Variants in IQCE observed in about 807,000 individuals in gnomAD.
The protein encoded by IQCE is IQ motif containing E, also known as IQ domain-containing protein E.
Under a neutral mutation model 96.0 loss-of-function variants are expected in IQCE, and 115 were observed. The ratio of observed to expected loss-of-function variants is 1.20; its 90% confidence interval spans 1.03 to 1.40. The LOEUF (loss-of-function observed/expected upper bound fraction) is 1.40. IQCE is among the 40% of genes most tolerant of loss of function. IQCE has a pLI of 0.00. For synonymous variants in IQCE, 412 were observed against 371.2 expected, an observed-to-expected ratio of 1.11 and a Z score of -1.26; for missense variants, 1,041 against 909.1, an observed-to-expected ratio of 1.15 and a Z score of -1.87.
intron 3 of IQCE, among the ~76,000 whole-genome samples, chr7:2,569,260 A>G (rs932984863): frequency 6.8e-6 from 1 of 146,402 alleles, no homozygotes; most frequent in Admixed American, 6.8e-5. Flanking sequence ...GCTGCCACCA[A>G]CTCCCCAGTC....
intron 15 of IQCE, 64 bp downstream of exon 15, chr7:2,593,190 GC>G (rs1012137680): frequency 2.6e-6 from 4 of 1,522,390 alleles, no homozygotes; most frequent in African/African-American, 1.4e-5. Context: ...TACCACTGCG[GC>G]CCCCCGTGGC....
intron 1 of IQCE, among the ~76,000 whole-genome samples, chr7:2,560,119 C>T (rs1363463886): frequency 6.6e-6 from 1 of 152,114 alleles, no homozygotes; most frequent in East Asian, 1.9e-4. Flanking sequence ...GTGATCATGG[C>T]CCTCCAAGGC....
intron 2 of IQCE, 99 bp downstream of exon 2, chr7:2,567,262 T>C (rs1781450243): frequency 1.1e-6 from 1 of 926,708 alleles, no homozygotes; most frequent in Non-Finnish European, 1.7e-6. Context: ...TCCACAATAC[T>C]GTGTCGAGAG....
intron 3 of IQCE, among the ~76,000 whole-genome samples, chr7:2,570,337 G>A (rs997856866): frequency 7.9e-5 from 12 of 151,772 alleles, no homozygotes; most frequent in Admixed American, 2.0e-4. Context: ...CTTCCTACTC[G>A]CCGATAAGCC....
rs780804449 is a variant in IQCE at position 2,571,506 on chromosome 7, C to T, written c.131-20C>T. On this transcript the variant is annotated intron_variant, in intron 3 of 21. Transcript: ENST00000402050. ...ATGTTGCTGTCCGGCACCTCTGAATCCACGTGTTGGCTTTTCCAGAGTCAC... is the reference window on the plus strand; with the variant it reads ...ATGTTGCTGTCCGGCACCTCTGAATTCACGTGTTGGCTTTTCCAGAGTCAC... The T allele has an allele frequency of 1.2e-6, 2 of 1,605,228 alleles. No individual in the cohort carries two copies. Among genetic ancestry groups the T allele is most frequent in the Non-Finnish European group, 8.5e-7 (1 of 1,179,906 alleles).
At chr7:2,608,400 A>G (rs1257680900) in intron 21 of IQCE, among the ~76,000 whole-genome samples, 1 of 152,238 alleles carries the variant, frequency 6.6e-6, no homozygotes, top group African/African-American at 2.4e-5. Context: ...AGAACCGTAT[A>G]CCACGTTTGA....
At chr7:2,607,321 C>G (rs770876818) in intron 21 of IQCE, 94 bp downstream of exon 21, 2 of 1,551,388 alleles carry the variant, frequency 1.3e-6, no homozygotes, top group Admixed American at 2.0e-5. Flanking sequence ...CGGGCTGTGT[C>G]GGGACGGAAG....
rs143397539 is a variant in IQCE, at chr7:2,563,375, TTGTGTGTGTGTGTG to T, written c.37-3717_37-3704del. Among the ~76,000 whole-genome samples, 14 of 135,806 alleles carry T rather than the reference TTGTGTGTGTGTGTG, an allele frequency of 1.0e-4. No individual in the cohort carries two copies. The East Asian group carries it at 2.0e-3, about 19-fold the overall frequency. The allele number at this position is 135,806 out of a possible 152,430, so 89.1% of individuals were successfully genotyped here. A position where few individuals can be genotyped will look rare whatever the true frequency, so the allele number is the denominator to read the frequency against. ...TGATGCCCAGCTAATTAATTTTTTGTTGTGTGTGTGTGTGTGTGTGTGTGTGTGTGTGTGTGTAC... is the reference window on the plus strand; with the variant it reads ...TGATGCCCAGCTAATTAATTTTTTGTTGTGTGTGTGTGTGTGTGTGTGTAC... On this transcript the variant is annotated intron_variant, in intron 1 of 21. Coordinates refer to ENST00000402050, the MANE Select transcript of IQCE (RefSeq NM_152558.5).
chr7:2,594,184 C>T lies in IQCE; in HGVS notation c.1350-702C>T, dbSNP rs545380689. Among the ~76,000 whole-genome samples the T allele has an allele frequency of 1.6e-3, 242 of 152,266 alleles. 1 individual carries two copies. Among genetic ancestry groups the T allele is most frequent in the Non-Finnish European group, 2.0e-3 (133 of 68,020 alleles). On this transcript the variant is annotated intron_variant, in intron 15 of 21. Transcript: ENST00000402050. ...CTGAGGCAGGAGAATAGCTTGAACC[C>T]GGGCAGCAGAGGTTGCAGTGAGCAG...
chr7:2,560,577 T>C (rs1280534768), intron 1 of IQCE, among the ~76,000 whole-genome samples: 4 of 152,258 alleles, frequency 2.6e-5, no homozygotes, highest in Non-Finnish European at 5.9e-5. Context: ...CTTCAGTTAC[T>C]GCTTCTTCAT....
chr7:2,598,690 A>C (rs1288799649), intron 17 of IQCE, 58 bp downstream of exon 17: 1 of 1,401,968 alleles, frequency 7.1e-7, no homozygotes, highest in Non-Finnish European at 9.4e-7. Context: ...CTCCAAGGCA[A>C]GCCACTCACT....
intron 20 of IQCE, 39 bp from the exon 21 acceptor site, chr7:2,607,085 T>C (rs748659743): frequency 4.5e-6 from 7 of 1,554,414 alleles, no homozygotes; most frequent in African/African-American, 4.1e-5. Flanking sequence ...TTGTACTCTC[T>C]AAAAGCAGAA....
In IQCE at chr7:2,589,981, A is replaced by G. The variant is rs1486256450; in HGVS notation, c.1119A>G (p.Ala373=). The change falls in exon 14 of 22, where the codon GCA becomes GCG. Residue 373 remains alanine (A), a synonymous_variant. Coordinates refer to ENST00000402050, the MANE Select transcript of IQCE (RefSeq NM_152558.5). ...GATCACACCCGCCAGCCTGCCTTGC[A>G]TCCAGCTCTGCGCTGCACAGACAGC... is the stretch of plus-strand genomic sequence containing the variant. ...PVRSHPPACL[A]SSSALHRQPR... The G allele has an allele frequency of 2.5e-6, 4 of 1,613,854 alleles. No individual in the cohort carries two copies. Among genetic ancestry groups the G allele is most frequent in the Non-Finnish European group, 3.4e-6 (4 of 1,180,018 alleles).
At chr7:2,567,229 C>A (rs140074461) in intron 2 of IQCE, 66 bp downstream of exon 2, 13 of 1,276,940 alleles carry the variant, frequency 1.0e-5, no homozygotes, top group Admixed American at 1.7e-5. Context: ...AGACTGCACT[C>A]GGAAGCGTAA....
At chr7:2,575,236 G>A (rs1782030869) in intron 6 of IQCE, among the ~76,000 whole-genome samples, 1 of 152,202 alleles carries the variant, frequency 6.6e-6, no homozygotes, top group Admixed American at 6.5e-5. Context: ...TGCCCTGTAG[G>A]TCAAGGGGGT....
rs78064552 is a variant in IQCE, at chr7:2,582,149, C to A, written c.631-431C>A. ...GTGGCTCCTCAGGCCCCTACGGCCG[C>A]GCTGTCTCCCACCCTCACTCACTGC... On this transcript the variant is annotated intron_variant, in intron 8 of 21. Coordinates refer to ENST00000402050, the MANE Select transcript of IQCE (RefSeq NM_152558.5). 4.0e-3 allele frequency: 1,804 copies of A among 445,776 alleles called. 23 individuals carry two copies. The highest frequency in any genetic ancestry group is 0.033 in the African/African-American group (1,629 of 49,268). The allele number at this position is 445,776 out of a possible 1,614,324, so 27.6% of individuals were successfully genotyped here.
At chr7:2,562,072 A>G (rs892513251) in intron 1 of IQCE, among the ~76,000 whole-genome samples, 2 of 152,216 alleles carry the variant, frequency 1.3e-5, no homozygotes, top group Admixed American at 6.5e-5. Context: ...AATTCTCTTC[A>G]TAGATTATTG....
intron 17 of IQCE, 101 bp from the exon 18 acceptor site, chr7:2,601,337 CTTG>C: frequency 1.3e-6 from 1 of 796,778 alleles, no homozygotes; most frequent in South Asian, 1.5e-5. Context: ...AGCCAGGCCT[CTTG>C]TTGGCTTGAT....
In IQCE at chr7:2,593,129, A is replaced by T; in HGVS notation, c.1349+3A>T. 6.2e-7 allele frequency: 1 copy of T among 1,608,302 alleles called. No individual in the cohort carries two copies. The highest frequency in any genetic ancestry group is 8.5e-7 in the Non-Finnish European group (1 of 1,175,896). On this transcript the variant is annotated splice_donor_region_variant and intron_variant, in intron 15 of 21. Coordinates refer to ENST00000402050, the MANE Select transcript of IQCE (RefSeq NM_152558.5). ...AGAGAGCGAGAGGAGGTTTTGAGGTATGTGACCCGGGTCAGGGCTGGAGAG... is the reference window on the plus strand; with the variant it reads ...AGAGAGCGAGAGGAGGTTTTGAGGTTTGTGACCCGGGTCAGGGCTGGAGAG...
Sources: allele counts gnomAD v4.1 joint callset (sites outside exome capture counted in the v4.1 genomes callset), GRCh38; gene constraint gnomAD v4.1.1; transcripts MANE v1.5; gene names NCBI Gene and HGNC (gene_info 2026-07-23, HGNC 2026-07-21).